The following CPQ variants were observed in gnomAD, a reference collection of about 807,000 sequenced individuals.
CPQ encodes the protein carboxypeptidase Q, also known as Ser-Met dipeptidase.
CPQ carries 37 observed loss-of-function variants against 45.7 expected under a neutral mutation model. That is an observed-to-expected ratio of 0.81 (90% confidence interval 0.62 to 1.07). The LOEUF is 1.07. Ranked by LOEUF, CPQ falls within the 50% of genes least tolerant of loss-of-function variation. The pLI is 0.00. For synonymous variants in CPQ, 186 were observed against 205.8 expected, an observed-to-expected ratio of 0.90 and a Z score of 0.82; for missense variants, 537 against 572.9, an observed-to-expected ratio of 0.94 and a Z score of 0.64.
chr8:96,800,064 C>A (rs1399052441), intron 2 of CPQ, among the ~76,000 whole-genome samples: 3 of 152,114 alleles, frequency 2.0e-5, no homozygotes, highest in Non-Finnish European at 4.4e-5. Flanking sequence ...ATACCATGAA[C>A]AAAGCCATTA....
chr8:97,087,201 A>C (rs1034948000), intron 7 of CPQ, among the ~76,000 whole-genome samples: 1 of 152,190 alleles, frequency 6.6e-6, no homozygotes, highest in South Asian at 2.1e-4. Context: ...AATATTCAAC[A>C]GGAGCATTCT....
At chr8:96,775,380 A>G (rs1306702713) in intron 1 of CPQ, among the ~76,000 whole-genome samples, 1 of 152,190 alleles carries the variant, frequency 6.6e-6, no homozygotes, top group Non-Finnish European at 1.5e-5. Context: ...TTATTTCAAA[A>G]TGTGAATTCT....
chr8:97,016,510 A>G (rs1244713682), intron 5 of CPQ, among the ~76,000 whole-genome samples: 1 of 152,236 alleles, frequency 6.6e-6, no homozygotes, highest in Non-Finnish European at 1.5e-5. Flanking sequence ...AGCAATTGTC[A>G]AATGTCAGGT....
chr8:96,932,128 A>G (rs1435006108), intron 4 of CPQ, among the ~76,000 whole-genome samples: 1 of 152,186 alleles, frequency 6.6e-6, no homozygotes, highest in Non-Finnish European at 1.5e-5. Flanking sequence ...ACCCAGATTG[A>G]ACGGTTGTTA....
At chr8:97,061,890 C>A (rs547728030) in intron 6 of CPQ, among the ~76,000 whole-genome samples, 1 of 152,090 alleles carries the variant, frequency 6.6e-6, no homozygotes, top group Non-Finnish European at 1.5e-5. Flanking sequence ...CCATTATCAT[C>A]CCCATTACAG....
At chr8:97,023,009 C>CTGTATACAG (rs1169894238) in intron 5 of CPQ, among the ~76,000 whole-genome samples, 1 of 143,674 alleles carries the variant, frequency 7.0e-6, no homozygotes, top group Admixed American at 7.1e-5. Flanking sequence ...TATATATATA[C>CTGTATACAG]TATATATAGT....
intron 5 of CPQ, among the ~76,000 whole-genome samples, chr8:97,018,974 G>A (rs1809627994): frequency 6.6e-6 from 1 of 152,170 alleles, no homozygotes; most frequent in Non-Finnish European, 1.5e-5. Context: ...CTTAACAGCT[G>A]TGAGGCAAAA....
chr8:97,057,810 T>C (rs1311823605), intron 6 of CPQ, among the ~76,000 whole-genome samples: 1 of 151,932 alleles, frequency 6.6e-6, no homozygotes, highest in Non-Finnish European at 1.5e-5. Flanking sequence ...GGCAGGCATT[T>C]AAAAAAAATT....
At chr8:96,812,975 T>A (rs1209666249) in intron 2 of CPQ, among the ~76,000 whole-genome samples, 1 of 152,144 alleles carries the variant, frequency 6.6e-6, no homozygotes, top group Non-Finnish European at 1.5e-5. Context: ...TGAGACTTCT[T>A]CCTACGATAT....
intron 3 of CPQ, among the ~76,000 whole-genome samples, chr8:96,867,279 C>T (rs1812007992): frequency 6.6e-6 from 1 of 151,986 alleles, no homozygotes; most frequent in Admixed American, 6.6e-5. Flanking sequence ...AAGGAAGGAA[C>T]ACCCACTAAT....
At chr8:97,031,232 G>A (rs1053647223) in intron 6 of CPQ, among the ~76,000 whole-genome samples, 1 of 148,358 alleles carries the variant, frequency 6.7e-6, no homozygotes, top group African/African-American at 2.5e-5. Context: ...TGTTGCCCAG[G>A]CTGGAGTGGA....
chr8:96,646,122 G>T (rs1433628524), intron 1 of CPQ, among the ~76,000 whole-genome samples: 1 of 151,280 alleles, frequency 6.6e-6, no homozygotes, highest in Non-Finnish European at 1.5e-5. Flanking sequence ...CCTGTTTTTT[G>T]ATAGCTTTCC....
chr8:97,043,991 T>C (rs147252549), intron 6 of CPQ, among the ~76,000 whole-genome samples: 81 of 152,320 alleles, frequency 5.3e-4, no homozygotes, highest in Middle Eastern at 3.4e-3. Flanking sequence ...GGAGTATCTT[T>C]GTGGCGTTCT....
intron 1 of CPQ, among the ~76,000 whole-genome samples, chr8:96,747,312 T>G (rs1327427086): frequency 1.4e-5 from 2 of 147,866 alleles, no homozygotes; most frequent in Non-Finnish European, 3.0e-5. Context: ...AAAAAAACAC[T>G]GTTTGACTCA....
chr8:96,890,977 G>GAGCCCTGCAA, intron 4 of CPQ, among the ~76,000 whole-genome samples: 1 of 152,192 alleles, frequency 6.6e-6, no homozygotes, highest in South Asian at 2.1e-4. Flanking sequence ...AACTTCACTC[G>GAGCCCTGCAA]AGCCCTGCAA....
At chr8:96,665,176 G>A (rs947075884) in intron 1 of CPQ, among the ~76,000 whole-genome samples, 3 of 152,038 alleles carry the variant, frequency 2.0e-5, no homozygotes, top group Admixed American at 1.3e-4. Context: ...AGAGAGCCAG[G>A]GTAAAGAATG....
At chr8:96,993,268 C>T (rs958547466) in intron 5 of CPQ, among the ~76,000 whole-genome samples, 1 of 152,146 alleles carries the variant, frequency 6.6e-6, no homozygotes, top group Non-Finnish European at 1.5e-5. Flanking sequence ...TGAATAAGAG[C>T]TGAACAGAAG....
chr8:96,792,242 T>G (rs748514031), intron 2 of CPQ, among the ~76,000 whole-genome samples: 33 of 152,120 alleles, frequency 2.2e-4, no homozygotes, highest in Non-Finnish European at 2.9e-5. Context: ...AAGCACAATC[T>G]CCAATCAGTC....
At chr8:96,984,696 A>G (rs1186164868) in intron 5 of CPQ, among the ~76,000 whole-genome samples, 3 of 152,184 alleles carry the variant, frequency 2.0e-5, no homozygotes, top group African/African-American at 7.2e-5. Context: ...TGGCTTTGCC[A>G]CTTACTGGCT....
Sources: allele counts gnomAD v4.1 joint callset (sites outside exome capture counted in the v4.1 genomes callset), GRCh38; gene constraint gnomAD v4.1.1; transcripts MANE v1.5; gene names NCBI Gene and HGNC (gene_info 2026-07-23, HGNC 2026-07-21).